The following RBFOX1 variants were observed in gnomAD, a reference collection of about 807,000 sequenced individuals.
The protein encoded by RBFOX1 is RNA binding protein fox-1 homolog 1.
Under a neutral mutation model 57.7 loss-of-function variants are expected in RBFOX1, and 8 were observed. That is an observed-to-expected ratio of 0.14 (90% CI 0.08 to 0.25). RBFOX1 has a LOEUF of 0.25. Among genes scored for constraint, RBFOX1 ranks in the 10% least tolerant of loss-of-function variants. RBFOX1 has a pLI of 1.00. For synonymous variants in RBFOX1, 326 were observed against 222.4 expected, an observed-to-expected ratio of 1.47 and a Z score of -4.15; for missense variants, 611 against 548.5, an observed-to-expected ratio of 1.11 and a Z score of -1.14.
chr16:5,902,239 T>C (rs1055130503), intron 4 of RBFOX1, among the ~76,000 whole-genome samples: 30 of 152,112 alleles, frequency 2.0e-4, no homozygotes, highest in African/African-American at 7.2e-4. Flanking sequence ...ATTTTATAGA[T>C]GAGTAAACTG....
intron 5 of RBFOX1, among the ~76,000 whole-genome samples, chr16:7,547,077 T>C (rs1223428435): frequency 2.6e-5 from 4 of 151,982 alleles, no homozygotes; most frequent in Non-Finnish European, 5.9e-5. Flanking sequence ...TCAAGCATTA[T>C]CTCAGAGTGA....
chr16:7,070,860 G>T (rs1462630913), intron 4 of RBFOX1, among the ~76,000 whole-genome samples: 1 of 152,148 alleles, frequency 6.6e-6, no homozygotes, highest in Admixed American at 6.6e-5. Flanking sequence ...ATTGACCAAG[G>T]GTGACAAAAC....
At chr16:6,272,017 C>T (rs1054920649) in intron 1 of RBFOX1, among the ~76,000 whole-genome samples, 30 of 152,064 alleles carry the variant, frequency 2.0e-4, no homozygotes, top group African/African-American at 4.8e-5. Flanking sequence ...AAACTGTAGA[C>T]TAATATTCTT....
chr16:7,158,665 C>G (rs147221061), intron 4 of RBFOX1, among the ~76,000 whole-genome samples: 1 of 148,746 alleles, frequency 6.7e-6, no homozygotes, highest in Non-Finnish European at 1.5e-5. Flanking sequence ...GGTGCGTGCA[C>G]GCACGTATGT....
Position 6,871,959 on chromosome 16 carries a change from G to GTGTGTGTC in RBFOX1, c.-15-180095_-15-180094insGTGTCTGT, listed in dbSNP as rs879908471. On this transcript the variant is annotated intron_variant, in intron 3 of 15. Coordinates refer to ENST00000550418, the MANE Select transcript of RBFOX1 (RefSeq NM_018723.4). ...TGTGTGTGTGTGTGTGTGTGTGTGT[G>GTGTGTGTC]TGTTTCCCTCGGTAGAGTATGGGGA... Among the ~76,000 whole-genome samples the GTGTGTGTC allele has an allele frequency of 6.2e-4, 78 of 126,352 alleles. 1 individual carries two copies. Among genetic ancestry groups the GTGTGTGTC allele is most frequent in the African/African-American group, 2.1e-3 (76 of 37,054 alleles). The allele number at this position is 126,352 out of a possible 152,430, so 82.9% of individuals were successfully genotyped here. A position where few individuals can be genotyped will look rare whatever the true frequency, so the allele number is the denominator to read the frequency against.
chr16:6,467,851 T>C (rs1311888665), intron 2 of RBFOX1, among the ~76,000 whole-genome samples: 1 of 152,194 alleles, frequency 6.6e-6, no homozygotes, highest in Non-Finnish European at 1.5e-5. Flanking sequence ...TTTTGTAATA[T>C]TATGATGTAA....
chr16:5,585,373 T>C (rs1057023393), intron 2 of RBFOX1, among the ~76,000 whole-genome samples: 1 of 152,244 alleles, frequency 6.6e-6, no homozygotes, highest in African/African-American at 2.4e-5. Flanking sequence ...TATTCTGTTG[T>C]ATGGCTGAGC....
intron 12 of RBFOX1, among the ~76,000 whole-genome samples, chr16:7,660,995 A>G (rs1282208139): frequency 1.3e-5 from 2 of 152,204 alleles, no homozygotes; most frequent in Non-Finnish European, 2.9e-5. Context: ...GGGTATTCTA[A>G]GGACTGAGTG....
intron 3 of RBFOX1, among the ~76,000 whole-genome samples, chr16:5,701,868 T>A (rs1369846363): frequency 6.6e-6 from 1 of 152,250 alleles, no homozygotes; most frequent in Non-Finnish European, 1.5e-5. Context: ...CCATTTTGAA[T>A]GGTCTTAACT....
At chr16:6,225,082 T>G (rs2097406381) in intron 1 of RBFOX1, among the ~76,000 whole-genome samples, 1 of 151,136 alleles carries the variant, frequency 6.6e-6, no homozygotes, top group Non-Finnish European at 1.5e-5. Context: ...TCCCCAGTCC[T>G]GTGTAGGCTC....
chr16:5,486,992 CT>C (rs1288021972), intron 2 of RBFOX1, among the ~76,000 whole-genome samples: 3 of 152,150 alleles, frequency 2.0e-5, no homozygotes, highest in Non-Finnish European at 4.4e-5. Context: ...ACCCCCAGGC[CT>C]TTGCACAAAG....
intron 4 of RBFOX1, among the ~76,000 whole-genome samples, chr16:7,347,667 C>A (rs1208893110): frequency 6.6e-6 from 1 of 152,166 alleles, no homozygotes; most frequent in East Asian, 1.9e-4. Flanking sequence ...GCTACAGAGA[C>A]TATCAGTCTC....
chr16:6,042,191 C>G (rs1043548966), intron 1 of RBFOX1, among the ~76,000 whole-genome samples: 6 of 151,640 alleles, frequency 4.0e-5, no homozygotes, highest in African/African-American at 1.5e-4. Flanking sequence ...ACTTCTGCCT[C>G]CCAAGTTCAA....
intron 4 of RBFOX1, among the ~76,000 whole-genome samples, chr16:7,490,972 G>T (rs1277620107): frequency 6.6e-6 from 1 of 152,054 alleles, no homozygotes; most frequent in Non-Finnish European, 1.5e-5. Context: ...TAACACTGGA[G>T]ATCTCTTCAT....
chr16:5,597,397 T>A (rs1162587212), intron 2 of RBFOX1, among the ~76,000 whole-genome samples: 9 of 55,448 alleles, frequency 1.6e-4, no homozygotes, highest in African/African-American at 4.1e-4. Flanking sequence ...CTTGCTGACT[T>A]TTTTTTTTTT....
rs138096622 is a variant in RBFOX1 at position 6,163,445 on chromosome 16, G to C, written c.-127+143453G>C. ...AAGTTCATTGTTGTTATAGCCCTTG[G>C]TTATGCTAAATACGTTAGTAGCTGA... On this transcript the variant is annotated intron_variant, in intron 1 of 15. Transcript: ENST00000550418. Among the ~76,000 whole-genome samples the C allele has an allele frequency of 1.7e-3, 254 of 152,302 alleles. 1 individual carries two copies. Among genetic ancestry groups the C allele is most frequent in the African/African-American group, 5.4e-3 (223 of 41,562 alleles).
intron 3 of RBFOX1, among the ~76,000 whole-genome samples, chr16:5,724,576 C>G (rs2052062495): frequency 6.6e-6 from 1 of 152,172 alleles, no homozygotes; most frequent in South Asian, 2.1e-4. Context: ...GCATAATCCT[C>G]ATGGTCTTGT....
At chr16:5,280,385 C>T (rs1443045930) in intron 1 of RBFOX1, among the ~76,000 whole-genome samples, 1 of 152,084 alleles carries the variant, frequency 6.6e-6, no homozygotes, top group Non-Finnish European at 1.5e-5. Flanking sequence ...GGAATATTGG[C>T]CTGTAGTTTT....
chr16:6,492,485 C>G (rs550322757), intron 2 of RBFOX1, among the ~76,000 whole-genome samples: 2 of 152,264 alleles, frequency 1.3e-5, no homozygotes, highest in East Asian at 1.9e-4. Context: ...AGGAGAATCG[C>G]TTGAACCCGG....
Sources: gnomAD v4.1 joint callset for allele counts (sites outside exome capture counted in the v4.1 genomes callset) on GRCh38, gnomAD v4.1.1 for gene constraint, MANE v1.5 for transcripts, NCBI Gene and HGNC (gene_info 2026-07-23, HGNC 2026-07-21) for gene names.